The following CPVL variants were observed in gnomAD, a reference collection of about 807,000 sequenced individuals.
CPVL encodes probable serine carboxypeptidase CPVL.
Under a neutral mutation model 63.7 loss-of-function variants are expected in CPVL, and 51 were observed. That is an observed-to-expected ratio of 0.80 (90% CI 0.64 to 1.01). The LOEUF (loss-of-function observed/expected upper bound fraction) is 1.01. CPVL is among the 50% of genes least tolerant of loss of function. The pLI, the probability that CPVL is intolerant of heterozygous loss-of-function variation, is 0.00. For missense variants in CPVL, 530 were observed against 573.1 expected, an observed-to-expected ratio of 0.92 and a Z score of 0.77; for synonymous variants, 195 against 206.0, an observed-to-expected ratio of 0.95 and a Z score of 0.46.
At chr7:29,017,041 C>T (rs1358135730) in intron 12 of CPVL, among the ~76,000 whole-genome samples, 1 of 152,104 alleles carries the variant, frequency 6.6e-6, no homozygotes, top group East Asian at 1.9e-4. Flanking sequence ...CTGATGGCTC[C>T]CCACTGCTTA....
intron 1 of CPVL, chr7:29,193,575 A>T (rs1254298110): frequency 6.6e-6 from 1 of 152,114 alleles, no homozygotes; most frequent in Non-Finnish European, 1.5e-5. Flanking sequence ...TTGCTTTAGG[A>T]TTGAAAGAAC....
chr7:29,142,856 A>G (rs1331110943), intron 1 of CPVL, among the ~76,000 whole-genome samples: 1 of 152,044 alleles, frequency 6.6e-6, no homozygotes, highest in Non-Finnish European at 1.5e-5. Flanking sequence ...GCTCCCTTAT[A>G]ATTGCAGATG....
At chr7:29,112,877 A>C in intron 2 of CPVL, 55 bp from the exon 3 acceptor site, 1 of 1,177,920 alleles carries the variant, frequency 8.5e-7, no homozygotes, top group Non-Finnish European at 1.3e-6. Context: ...AACAACAAAA[A>C]TGTGAGCCAT....
At chr7:29,190,109 T>A (rs1288402481) in intron 1 of CPVL, among the ~76,000 whole-genome samples, 22 of 152,214 alleles carry the variant, frequency 1.4e-4, no homozygotes, top group Admixed American at 1.4e-3. Context: ...GACGCCTGCC[T>A]CAGAAGAGCC....
chr7:29,176,661 T>A (rs1797388136), intron 5 of CPVL, among the ~76,000 whole-genome samples: 1 of 152,184 alleles, frequency 6.6e-6, no homozygotes, highest in Non-Finnish European at 1.5e-5. Context: ...GAAGATCTAA[T>A]ATACAAGAAA....
At position 29,138,175 on chromosome 7, in the gene CPVL, C is replaced by T. The variant is rs568067155; in HGVS notation, c.-11+8254G>A. Among the ~76,000 whole-genome samples, 143 of 152,262 alleles carry T rather than the reference C, an allele frequency of 9.4e-4. 2 individuals are homozygous for T. Among genetic ancestry groups the T allele is most frequent in the Non-Finnish European group, 1.7e-3 (116 of 68,014 alleles). ...AAGGTTGACTGGGAGCAGTGGCTCA[C>T]GCCTGTAATCCCAGCACTTTGGGAG... On this transcript the variant is annotated intron_variant, in intron 1 of 12. Coordinates refer to ENST00000265394, the MANE Select transcript of CPVL (RefSeq NM_031311.5).
At chr7:29,035,214 G>GT (rs1788408947) in intron 11 of CPVL, among the ~76,000 whole-genome samples, 1 of 152,088 alleles carries the variant, frequency 6.6e-6, no homozygotes, top group African/African-American at 2.4e-5. Context: ...GCTTCACAAG[G>GT]TCAGGAACAG....
At chr7:29,019,312 T>C (rs1249065154) in intron 12 of CPVL, among the ~76,000 whole-genome samples, 1 of 152,212 alleles carries the variant, frequency 6.6e-6, no homozygotes, top group Admixed American at 6.5e-5. Flanking sequence ...TGTCCAATCC[T>C]TAAAATGGCA....
At chr7:29,156,014 A>G (rs1794321055) in intron 5 of CPVL, among the ~76,000 whole-genome samples, 1 of 152,208 alleles carries the variant, frequency 6.6e-6, no homozygotes, top group African/African-American at 2.4e-5. Flanking sequence ...TTTACATTTA[A>G]TATTGGTTTT....
chr7:29,053,080 G>A (rs317735), intron 11 of CPVL, among the ~76,000 whole-genome samples: 11,112 of 152,192 alleles, frequency 0.073, 457 homozygotes, highest in South Asian at 0.12. Context: ...CATCATTAGG[G>A]AAATGCCAAT....
intron 3 of CPVL, among the ~76,000 whole-genome samples, chr7:29,100,706 G>A (rs188852286): frequency 1.1e-4 from 16 of 152,264 alleles, no homozygotes; most frequent in Admixed American, 3.9e-4. Context: ...TAAATAACAA[G>A]ATCTGTGTAC....
At chr7:29,175,043 T>C (rs1797102963) in intron 5 of CPVL, among the ~76,000 whole-genome samples, 1 of 152,126 alleles carries the variant, frequency 6.6e-6, no homozygotes, top group African/African-American at 2.4e-5. Context: ...TCATCTTGAA[T>C]TGTAGCTCCC....
At chr7:29,074,287 T>C (rs1784021094) in intron 7 of CPVL, among the ~76,000 whole-genome samples, 2 of 152,206 alleles carry the variant, frequency 1.3e-5, no homozygotes, top group Admixed American at 1.3e-4. Context: ...AATTTATCCA[T>C]TCATACTTGT....
rs200854436 is a variant in CPVL, at chr7:29,120,989, G to A, written c.73C>T (p.Arg25Cys). ...LMPGPCDGLF[R>C]SLYRSVSMPP... ...ATGGAAACACTTCTGTATAGGGAGC[G>A]AAACAGCCCATCACAGGGGCCAGGC... Residue 25 changes from arginine to cysteine, a missense_variant, in exon 2 of 13, where the codon CGC becomes TGC. Physicochemically the swap from Arg to Cys is radical, Grantham distance 180. Coordinates refer to ENST00000265394, the MANE Select transcript of CPVL (RefSeq NM_031311.5). The A allele has an allele frequency of 1.1e-5, 18 of 1,613,552 alleles. No individual in the cohort carries two copies. Among genetic ancestry groups the A allele is most frequent in the East Asian group, 8.9e-5 (4 of 44,874 alleles).
intron 12 of CPVL, among the ~76,000 whole-genome samples, chr7:29,023,603 G>T (rs576795690): frequency 6.6e-6 from 1 of 152,208 alleles, no homozygotes; most frequent in South Asian, 2.1e-4. Context: ...TGCCACCTGG[G>T]AACCCAAGAA....
At chr7:29,175,197 C>T (rs1269983663) in intron 5 of CPVL, among the ~76,000 whole-genome samples, 4 of 148,840 alleles carry the variant, frequency 2.7e-5, no homozygotes, top group Non-Finnish European at 5.9e-5. Flanking sequence ...TTTTTTGAGA[C>T]GGGGCCTCTC....
rs1782980063 is a variant in CPVL at position 29,064,794 on chromosome 7, C to A, written c.964-560G>T. Among the ~76,000 whole-genome samples, 3 of 152,208 alleles carry A rather than the reference C, an allele frequency of 2.0e-5. 1 individual carries two copies. The South Asian group carries it at 6.2e-4, about 32-fold the overall frequency. ...TATCTCCTAATGCTATCCCTCCCCC[C>A]TACCCCCACCCCACAACAGTCCCCG... On this transcript the variant is annotated intron_variant, in intron 10 of 12. Transcript: ENST00000265394.
intron 3 of CPVL, among the ~76,000 whole-genome samples, chr7:29,106,618 T>C (rs1447161742): frequency 6.6e-6 from 1 of 151,894 alleles, no homozygotes; most frequent in African/African-American, 2.4e-5. Context: ...AAAGGAGAAA[T>C]GCTGAGAGCT....
chr7:29,173,130 CAA>C (rs56379349), intron 5 of CPVL, among the ~76,000 whole-genome samples: 52 of 80,112 alleles, frequency 6.5e-4, no homozygotes, highest in East Asian at 7.8e-4. Context: ...GACTCTGTAT[CAA>C]AAAAAAAAAA....
Sources: allele counts gnomAD v4.1 joint callset (sites outside exome capture counted in the v4.1 genomes callset), GRCh38; gene constraint gnomAD v4.1.1; transcripts MANE v1.5; gene names NCBI Gene and HGNC (gene_info 2026-07-23, HGNC 2026-07-21).